The following PRKG1 variants were observed in gnomAD, a reference collection of about 807,000 sequenced individuals.
The protein encoded by PRKG1 is cGMP-dependent protein kinase 1.
A neutral mutation model predicts 88.1 loss-of-function variants in PRKG1; 35 were observed. The ratio of observed to expected loss-of-function variants is 0.40; its 90% confidence interval spans 0.30 to 0.53. The LOEUF (loss-of-function observed/expected upper bound fraction) is 0.53. Among genes scored for constraint, PRKG1 ranks in the 20% least tolerant of loss-of-function variants. The probability of loss-of-function intolerance (pLI) is 0.59; values close to 1 mark genes in which losing one functional copy is unlikely to be tolerated. For synonymous variants in PRKG1, 303 were observed against 292.5 expected (o/e 1.04, Z -0.37); for missense variants, 540 against 839.8 (o/e 0.64, Z 4.41).
At chr10:52,251,738 T>C in intron 10 of PRKG1, 72 bp downstream of exon 10, 3 of 1,211,958 alleles carry the variant, frequency 2.5e-6, no homozygotes, top group Non-Finnish European at 3.6e-6. Context: ...AGATTAAGAT[T>C]TCTTTCTTTT....
rs555686079 is a variant in PRKG1, at chr10:51,944,541, A to G, written c.762+36971A>G. Among the ~76,000 whole-genome samples, 11 of 151,822 alleles carry G rather than the reference A, an allele frequency of 7.2e-5. No homozygotes were observed. The East Asian group carries it at 1.9e-3, about 27-fold the overall frequency. ...TTACTTTTCTAGTTCTTTTAATTAT[A>G]ATGTTAGGGTGTCAATTTTGGATCT... On this transcript the variant is annotated intron_variant, in intron 5 of 17. Coordinates refer to ENST00000373980, the MANE Select transcript of PRKG1 (RefSeq NM_006258.4).
intron 9 of PRKG1, among the ~76,000 whole-genome samples, chr10:52,181,066 C>T (rs538336399): frequency 6.6e-6 from 1 of 152,266 alleles, no homozygotes; most frequent in South Asian, 2.1e-4. Context: ...GGCTATTTTT[C>T]AGACTTGGGA....
chr10:52,000,276 C>G (rs2454544), intron 5 of PRKG1, among the ~76,000 whole-genome samples: 151,025 of 152,136 alleles, frequency 0.99, 74,973 homozygotes, highest in Middle Eastern at 1. Flanking sequence ...TATTGTTTTT[C>G]GTAGACTATA....
chr10:52,090,025 G>A (rs1847015505), intron 7 of PRKG1, among the ~76,000 whole-genome samples: 1 of 151,862 alleles, frequency 6.6e-6, no homozygotes, highest in African/African-American at 2.4e-5. Flanking sequence ...TTGTTGGCCA[G>A]GATGGTCTCG....
intron 3 of PRKG1, among the ~76,000 whole-genome samples, chr10:51,583,781 A>AT (rs1468862568): frequency 6.6e-6 from 1 of 152,142 alleles, no homozygotes; most frequent in Non-Finnish European, 1.5e-5. Flanking sequence ...TAAGGTTTGC[A>AT]TATATACTAT....
chr10:51,214,172 ATAT>A (rs1360589649), intron 2 of PRKG1, among the ~76,000 whole-genome samples: 2 of 152,164 alleles, frequency 1.3e-5, no homozygotes, highest in East Asian at 1.9e-4. Context: ...ACAATAGGTG[ATAT>A]TATATATATG....
chr10:51,368,768 C>T (rs1393215069), intron 2 of PRKG1, among the ~76,000 whole-genome samples: 1 of 152,036 alleles, frequency 6.6e-6, no homozygotes, highest in South Asian at 2.1e-4. Context: ...CAATCAAAAT[C>T]GTTTTGCCAC....
intron 5 of PRKG1, among the ~76,000 whole-genome samples, chr10:52,016,980 T>C (rs985312268): frequency 1.3e-5 from 2 of 152,138 alleles, no homozygotes; most frequent in South Asian, 2.1e-4. Context: ...AGGTGACAAA[T>C]TTGGAGAGAG....
At chr10:51,312,734 C>G (rs931373265) in intron 2 of PRKG1, among the ~76,000 whole-genome samples, 1 of 149,736 alleles carries the variant, frequency 6.7e-6, no homozygotes, top group Admixed American at 6.7e-5. Flanking sequence ...TATACCTAAA[C>G]TTATTTATAG....
rs148092477 is a variant in PRKG1 at position 51,045,454 on chromosome 10, C to A, written c.266+53810C>A. 2.1e-3 allele frequency among the ~76,000 whole-genome samples: 316 copies of A among 152,262 alleles called. 7 individuals are homozygous for A. The East Asian group carries it at 0.054, about 26-fold the overall frequency. ...CTCCTGCCTCAGCCTCCCCAAGTAG[C>A]TGGGACTACAGGCATGTGCCACCAC... On this transcript the variant is annotated intron_variant, in intron 1 of 17. Coordinates refer to the PRKG1 transcript ENST00000401604.
intron 3 of PRKG1, among the ~76,000 whole-genome samples, chr10:51,658,080 G>T (rs899622676): frequency 6.6e-6 from 1 of 152,118 alleles, no homozygotes; most frequent in African/African-American, 2.4e-5. Flanking sequence ...GGATTAAAAA[G>T]AAACATGAGA....
chr10:51,986,833 G>C (rs1419354154), intron 5 of PRKG1, among the ~76,000 whole-genome samples: 3 of 152,122 alleles, frequency 2.0e-5, no homozygotes, highest in African/African-American at 7.2e-5. Context: ...TGGCATTGTG[G>C]ACATTCTTCC....
chr10:52,181,323 G>A (rs1157940586), intron 9 of PRKG1, among the ~76,000 whole-genome samples: 1 of 151,762 alleles, frequency 6.6e-6, no homozygotes, highest in Non-Finnish European at 1.5e-5. Flanking sequence ...GTCAGTTTGA[G>A]GTCAAGCTGC....
intron 2 of PRKG1, among the ~76,000 whole-genome samples, chr10:51,273,142 T>A (rs114826373): frequency 1.0e-3 from 155 of 152,266 alleles, no homozygotes; most frequent in African/African-American, 3.5e-3. Context: ...TCACATTTGA[T>A]GTTTGTAGAA....
chr10:52,124,810 C>T (rs558042596), intron 7 of PRKG1, among the ~76,000 whole-genome samples: 13 of 151,590 alleles, frequency 8.6e-5, no homozygotes, highest in South Asian at 8.4e-4. Flanking sequence ...TTTTACTTTT[C>T]GAAGTTTTTT....
chr10:51,857,965 C>T (rs896483915), intron 4 of PRKG1, among the ~76,000 whole-genome samples: 1 of 147,838 alleles, frequency 6.8e-6, no homozygotes, highest in Non-Finnish European at 1.5e-5. Context: ...CCTAGATTCT[C>T]TATGTTGTTT....
intron 2 of PRKG1, among the ~76,000 whole-genome samples, chr10:51,203,747 G>A (rs1280406955): frequency 1.3e-5 from 2 of 152,096 alleles, no homozygotes; most frequent in Non-Finnish European, 2.9e-5. Context: ...TTGTTCTGAG[G>A]GACAATTGAA....
At chr10:52,246,582 A>G (rs748031350) in intron 9 of PRKG1, among the ~76,000 whole-genome samples, 1 of 152,146 alleles carries the variant, frequency 6.6e-6, no homozygotes, top group Non-Finnish European at 1.5e-5. Flanking sequence ...CATTATTTAA[A>G]GAGTCCCCTA....
chr10:50,995,068 A>G (rs1684047338), intron 1 of PRKG1, among the ~76,000 whole-genome samples: 1 of 151,958 alleles, frequency 6.6e-6, no homozygotes, highest in Non-Finnish European at 1.5e-5. Context: ...ATGGATACTG[A>G]AGGATGACTC....
Sources: allele counts gnomAD v4.1 joint callset (sites outside exome capture counted in the v4.1 genomes callset), GRCh38; gene constraint gnomAD v4.1.1; transcripts MANE v1.5; gene names NCBI Gene and HGNC (gene_info 2026-07-23, HGNC 2026-07-21).